The following PEAK1 variants were observed in gnomAD, a reference collection of about 807,000 sequenced individuals.
PEAK1 encodes pseudopodium enriched atypical kinase 1, also known as inactive tyrosine-protein kinase PEAK1.
In PEAK1, 54 loss-of-function variants were observed where a neutral mutation model predicts 124.7. The ratio of observed to expected loss-of-function variants is 0.43; its 90% CI spans 0.35 to 0.54. The LOEUF (loss-of-function observed/expected upper bound fraction) is 0.54. Ranked by LOEUF, PEAK1 falls within the 20% of genes least tolerant of loss-of-function variation. The pLI, the probability that PEAK1 is intolerant of heterozygous loss-of-function variation, is 0.01. For missense variants in PEAK1, 2,046 were observed against 2,134.5 expected (o/e 0.96, Z 0.82); for synonymous variants, 719 against 760.0 (o/e 0.95, Z 0.89).
At chr15:77,152,178 T>C (rs1348588887) in intron 8 of PEAK1, among the ~76,000 whole-genome samples, 12 of 152,294 alleles carry the variant, frequency 7.9e-5, no homozygotes, top group Admixed American at 5.2e-4. Flanking sequence ...CAGTGGTTTG[T>C]AGTTCTCCTT....
At chr15:77,399,256 A>G (rs763859242) in intron 1 of PEAK1, among the ~76,000 whole-genome samples, 3 of 152,188 alleles carry the variant, frequency 2.0e-5, no homozygotes, top group Non-Finnish European at 4.4e-5. Flanking sequence ...ACCCAAAGCA[A>G]TAGACAATTT....
At chr15:77,140,670 C>T (rs183998411) in intron 8 of PEAK1, among the ~76,000 whole-genome samples, 1 of 151,908 alleles carries the variant, frequency 6.6e-6, no homozygotes, top group East Asian at 1.9e-4. Flanking sequence ...GAAATTTCTC[C>T]TGTAATATCA....
chr15:77,401,581 G>A (rs910317347), intron 1 of PEAK1: 1 of 979,446 alleles, frequency 1.0e-6, no homozygotes, highest in African/African-American at 1.8e-5. Context: ...GTAGCTTATA[G>A]ATCAATTAAA....
At chr15:77,265,100 C>G in intron 5 of PEAK1, among the ~76,000 whole-genome samples, 1 of 152,136 alleles carries the variant, frequency 6.6e-6, no homozygotes, top group Non-Finnish European at 1.5e-5. Flanking sequence ...ACACAAAAAT[C>G]AATTCAAGAT....
intron 9 of PEAK1, among the ~76,000 whole-genome samples, chr15:77,117,423 C>A (rs1029066394): frequency 1.3e-5 from 2 of 152,216 alleles, no homozygotes; most frequent in Non-Finnish European, 2.9e-5. Context: ...TAGCGTACAT[C>A]TGTAAACTAC....
chr15:77,226,071 A>ATAT (rs2059653895), intron 6 of PEAK1, among the ~76,000 whole-genome samples: 1 of 137,200 alleles, frequency 7.3e-6, no homozygotes, highest in Non-Finnish European at 1.6e-5. Flanking sequence ...ATATATATAT[A>ATAT]TATATATATA....
At chr15:77,153,901 C>T (rs2054884399) in intron 8 of PEAK1, among the ~76,000 whole-genome samples, 2 of 152,144 alleles carry the variant, frequency 1.3e-5, no homozygotes, top group South Asian at 4.1e-4. Context: ...TGCTTTACTT[C>T]CAACTATGTG....
At chr15:77,192,122 T>A (rs1381217481) in intron 6 of PEAK1, among the ~76,000 whole-genome samples, 1 of 152,238 alleles carries the variant, frequency 6.6e-6, no homozygotes, top group Non-Finnish European at 1.5e-5. Flanking sequence ...GATCTTTAAT[T>A]ACTATTTACT....
intron 1 of PEAK1, chr15:77,371,261 C>T: frequency 1.0e-6 from 1 of 972,368 alleles, no homozygotes; most frequent in Non-Finnish European, 1.2e-6. Context: ...CTAGTAGATG[C>T]TACCTAAATA....
At chr15:77,282,770 T>C (rs2062736147) in intron 5 of PEAK1, among the ~76,000 whole-genome samples, 2 of 152,290 alleles carry the variant, frequency 1.3e-5, no homozygotes, top group South Asian at 4.1e-4. Flanking sequence ...CAAGACACAA[T>C]CATATTATAA....
intron 1 of PEAK1, among the ~76,000 whole-genome samples, 191 bp downstream of exon 1, chr15:77,419,815 C>A (rs2073229692): frequency 6.7e-6 from 1 of 148,320 alleles, no homozygotes; most frequent in African/African-American, 2.4e-5. Flanking sequence ...GAGCCCGCGC[C>A]GGGCGGGACG....
intron 7 of PEAK1, among the ~76,000 whole-genome samples, chr15:77,159,573 G>C (rs960522554): frequency 6.6e-6 from 1 of 152,124 alleles, no homozygotes; most frequent in African/African-American, 2.4e-5. Flanking sequence ...AAAGTTTGCT[G>C]GGCCCACTGA....
Position 77,168,233 on chromosome 15 carries a change from G to GCA in PEAK1, c.3138-9538_3138-9537insTG, listed in dbSNP as rs1380403965. ...TATGTACATGCACATATGCATGTGC[G>GCA]CGCGCACACACACACACACACACAC... On this transcript the variant is annotated intron_variant, in intron 7 of 9. Transcript: ENST00000682557. Among the ~76,000 whole-genome samples, 10 of 50,550 alleles carry GCA rather than the reference G, an allele frequency of 2.0e-4. No individual in the cohort carries two copies. In the South Asian group the frequency reaches 2.5e-3, roughly 13 times the overall value. The allele number at this position is 50,550 out of a possible 152,430, so 33.2% of individuals were successfully genotyped here.
chr15:77,162,805 G>A (rs996489221), intron 7 of PEAK1, among the ~76,000 whole-genome samples: 1 of 152,124 alleles, frequency 6.6e-6, no homozygotes, highest in African/African-American at 2.4e-5. Context: ...TCATCCATGA[G>A]ACAGATGGTA....
chr15:77,389,859 G>A (rs2141904790), intron 1 of PEAK1, among the ~76,000 whole-genome samples: 1 of 152,286 alleles, frequency 6.6e-6, no homozygotes, highest in South Asian at 2.1e-4. Flanking sequence ...ATTTCAAGCA[G>A]GGAACTGCTA....
chr15:77,308,234 A>G (rs978553251), intron 2 of PEAK1, among the ~76,000 whole-genome samples: 1 of 152,074 alleles, frequency 6.6e-6, no homozygotes, highest in Non-Finnish European at 1.5e-5. Flanking sequence ...ATGTGACTTA[A>G]TCTCTCTGAG....
At chr15:77,281,349 C>A (rs1274620575) in intron 5 of PEAK1, among the ~76,000 whole-genome samples, 3 of 151,976 alleles carry the variant, frequency 2.0e-5, no homozygotes, top group African/African-American at 4.8e-5. Context: ...TCAATATAAT[C>A]AAAAAAATTT....
intron 8 of PEAK1, among the ~76,000 whole-genome samples, chr15:77,144,925 C>A (rs1445793501): frequency 6.6e-6 from 1 of 152,148 alleles, no homozygotes; most frequent in Non-Finnish European, 1.5e-5. Context: ...GCCCCTGGGA[C>A]CAGACACCAA....
At chr15:77,345,949 T>C (rs768144628) in intron 2 of PEAK1, 1 of 985,306 alleles carries the variant, frequency 1.0e-6, no homozygotes, top group Non-Finnish European at 1.2e-6. Flanking sequence ...CACATAGCAA[T>C]GGCAAAGGTC....
Sources: gnomAD v4.1 joint callset for allele counts (sites outside exome capture counted in the v4.1 genomes callset) on GRCh38, gnomAD v4.1.1 for gene constraint, MANE v1.5 for transcripts, NCBI Gene and HGNC (gene_info 2026-07-23, HGNC 2026-07-21) for gene names.